ATRX: variants seen among roughly 807,000 people sequenced by gnomAD.
ATRX encodes chromatin remodeler ATRX.
A neutral mutation model predicts 172.6 loss-of-function variants in ATRX; 12 were observed. The observed-to-expected ratio is 0.07, with a 90% CI of 0.04 to 0.11. The LOEUF (loss-of-function observed/expected upper bound fraction) is 0.11. Among genes scored for constraint, ATRX ranks in the 10% least tolerant of loss-of-function variants. The pLI is 1.00. For missense variants in ATRX, 1,368 were observed against 1,767.4 expected, an observed-to-expected ratio of 0.77 and a Z score of 4.05; for synonymous variants, 674 against 594.7, an observed-to-expected ratio of 1.13 and a Z score of -1.94.
At chrX:77,522,658 A>C (rs1175041432) in intron 31 of ATRX, among the ~76,000 whole-genome samples, 1 of 111,542 alleles carries the variant, frequency 9.0e-6, no homozygotes. Flanking sequence ...CATCACACTA[A>C]TGTTAAAGAA....
rs782409175 is a variant in ATRX at position 77,635,972 on chromosome X, G to C, written c.4642C>G (p.Pro1548Ala). 5 of 1,206,113 alleles carry C rather than the reference G, an allele frequency of 4.1e-6. No individual in the cohort carries two copies. Among genetic ancestry groups the C allele is most frequent in the African/African-American group, 3.5e-5 (2 of 57,166 alleles). Reference protein sequence around the residue: ...VLDEDEETKEPLVQVHRNMVI... With the variant: ...VLDEDEETKEALVQVHRNMVI... Reference sequence around the variant, plus strand: ...ATATTTCTATGAACCTGCACTAAAGGTTCTTTGGTTTCTTCATCTTCATCT... The same window carrying C: ...ATATTTCTATGAACCTGCACTAAAGCTTCTTTGGTTTCTTCATCTTCATCT... The change falls in exon 16 of 35, where the codon CCT (proline) becomes GCT (alanine). Residue 1548 changes from proline (P) to alanine (A), a missense_variant. Coordinates refer to ENST00000373344, the MANE Select transcript of ATRX (RefSeq NM_000489.6).
intron 1 of ATRX, among the ~76,000 whole-genome samples, chrX:77,755,010 T>G (rs868908192): frequency 6.3e-4 from 71 of 112,396 alleles, no homozygotes; most frequent in African/African-American, 2.1e-3. Flanking sequence ...AGTCCCATAT[T>G]TTTTCAGAGG....
At position 77,672,642 on chromosome X, in the gene ATRX, A is replaced by G. The variant is rs141199014; in HGVS notation, c.3809+3584T>C. Among the ~76,000 whole-genome samples the G allele has an allele frequency of 2.5e-3, 274 of 111,096 alleles. 1 individual carries two copies. Among genetic ancestry groups the G allele is most frequent in the African/African-American group, 8.5e-3 (261 of 30,699 alleles). ...AGTCCCAATATAATTAAATATAACA[A>G]TGGGACAATTTTTTTTAGCAATCTC... On this transcript the variant is annotated intron_variant, in intron 10 of 34. Transcript: ENST00000373344.
rs1443949270 is a variant in ATRX, at chrX:77,682,720, C to T, written c.2536G>A (p.Asp846Asn). The T allele has an allele frequency of 8.3e-7, 1 of 1,209,546 alleles. No individual in the cohort carries two copies. ...TTKKRIPNTK[D>N]FDSSEDEKHS... is the part of the protein sequence containing the mutation. ...TTCTCATCTTCAGAAGAGTCAAAAT[C>T]TTTTGTATTTGGAATTCTTTTTTTG... The change falls in exon 9 of 35, where the codon GAT becomes AAT. Residue 846 changes from aspartate (D) to asparagine (N), a missense_variant. Physicochemically the swap from Asp to Asn is conservative, Grantham distance 23. This residue lies in a region of ATRX where 843 missense variants were observed against 643.1 expected (regional missense o/e 1.31). Coordinates refer to ENST00000373344, the MANE Select transcript of ATRX (RefSeq NM_000489.6).
Position 77,646,241 on chromosome X carries a change from C to T in ATRX, c.4557+5873G>A, listed in dbSNP as rs782319861. On this transcript the variant is annotated intron_variant, in intron 15 of 34. Coordinates refer to ENST00000373344, the MANE Select transcript of ATRX (RefSeq NM_000489.6). ...AAGGTTCGCTTTAGATCTAAAGACA[C>T]AAATAAACTGAAAGTGAAAGAATAG... Among the ~76,000 whole-genome samples, 16 of 111,252 alleles carry T rather than the reference C, an allele frequency of 1.4e-4. No individual in the cohort carries two copies. The South Asian group carries it at 6.0e-3, about 42-fold the overall frequency.
intron 7 of ATRX, among the ~76,000 whole-genome samples, chrX:77,686,645 G>A (rs1044387631): frequency 1.4e-4 from 16 of 110,976 alleles, no homozygotes; most frequent in African/African-American, 5.3e-4. Context: ...GAACCCTGAG[G>A]CGGAGGTTGC....
intron 27 of ATRX, among the ~76,000 whole-genome samples, chrX:77,582,909 C>CA (rs2065878162): frequency 1.8e-5 from 2 of 111,761 alleles, no homozygotes; most frequent in African/African-American, 3.3e-5. Context: ...TGAATTCTAT[C>CA]AAACATTTAA....
chrX:77,526,089 A>C (rs2063371860), intron 30 of ATRX, among the ~76,000 whole-genome samples: 1 of 111,636 alleles, frequency 9.0e-6, no homozygotes, highest in Non-Finnish European at 1.9e-5. Context: ...CAAAGAGGCA[A>C]AGTAACTTTT....
chrX:77,671,167 A>AAAAATACAT (rs1424480831), intron 10 of ATRX, among the ~76,000 whole-genome samples: 1 of 15,735 alleles, frequency 6.4e-5, no homozygotes, highest in Admixed American at 1.4e-3. Context: ...AAAAAAAAAA[A>AAAAATACAT]ATATATATAT....
Position 77,600,451 on chromosome X carries a change from T to C in ATRX, c.5680A>G (p.Ile1894Val). 8.3e-7 allele frequency: 1 copy of C among 1,210,922 alleles called. No homozygotes were observed. Among genetic ancestry groups the C allele is most frequent in the East Asian group, 3.0e-5 (1 of 33,750 alleles). ...TGACTTACCTTATTTTCTTTGCTAATGTAGTCTAGCTGCAAACACCAAGGA... is the reference window on the plus strand; with the variant it reads ...TGACTTACCTTATTTTCTTTGCTAACGTAGTCTAGCTGCAAACACCAAGGA... Reference protein sequence around the residue: ...THPWCLQLDYISKENKGYFDE... With the variant: ...THPWCLQLDYVSKENKGYFDE... The change falls in exon 23 of 35, where the codon ATT (isoleucine) becomes GTT (valine). Residue 1894 changes from isoleucine (I) to valine (V), a missense_variant. Physicochemically the swap from Ile to Val is conservative, Grantham distance 29. Around this residue, in one of 17 missense-constraint regions of ATRX, gnomAD observed 5 missense variants for 36.2 expected, o/e 0.14. Coordinates refer to ENST00000373344, the MANE Select transcript of ATRX (RefSeq NM_000489.6).
chrX:77,633,471 TA>T (rs2068203797), intron 18 of ATRX, 87 bp from the exon 19 acceptor site: 2 of 1,103,599 alleles, frequency 1.8e-6, no homozygotes, highest in East Asian at 3.0e-5. Flanking sequence ...CATCACTGGT[TA>T]AAAAACATTA....
intron 1 of ATRX, among the ~76,000 whole-genome samples, chrX:77,762,123 A>C (rs781882026): frequency 9.1e-6 from 1 of 109,449 alleles, no homozygotes; most frequent in East Asian, 2.9e-4. Flanking sequence ...TAACATAATG[A>C]AACCCCATCT....
intron 9 of ATRX, among the ~76,000 whole-genome samples, chrX:77,680,096 G>C (rs1211888288): frequency 1.8e-5 from 2 of 112,146 alleles, no homozygotes; most frequent in African/African-American, 6.5e-5. Flanking sequence ...ATGTTTTGCT[G>C]CAGAAATACT....
At chrX:77,624,148 G>A (rs781821699) in intron 19 of ATRX, among the ~76,000 whole-genome samples, 1 of 111,367 alleles carries the variant, frequency 9.0e-6, no homozygotes, top group Admixed American at 9.5e-5. Flanking sequence ...GGCAGATCAC[G>A]AGGTCAGGAG....
chrX:77,613,955 T>C (rs533919062), intron 22 of ATRX, among the ~76,000 whole-genome samples: 6 of 111,932 alleles, frequency 5.4e-5, no homozygotes, highest in South Asian at 7.3e-4. Context: ...AGGCAAACCA[T>C]AGAATTACAC....
chrX:77,714,841 G>A (rs2073294529), intron 2 of ATRX, among the ~76,000 whole-genome samples: 2 of 111,766 alleles, frequency 1.8e-5, no homozygotes, highest in African/African-American at 6.5e-5. Flanking sequence ...TGAATTTAAG[G>A]GGGAAAAACT....
rs543544690 is a variant in ATRX, at chrX:77,718,368, C to CT, written c.21-1126dup. 6.4e-3 allele frequency among the ~76,000 whole-genome samples: 573 copies of CT among 89,360 alleles called. 7 individuals carry two copies. The highest frequency in any genetic ancestry group is 0.03 in the East Asian group (87 of 2,861). The allele number at this position is 89,360 out of a possible 115,157, so 77.6% of individuals were successfully genotyped here. A position where few individuals can be genotyped will look rare whatever the true frequency, so the allele number is the denominator to read the frequency against. On this transcript the variant is annotated intron_variant, in intron 1 of 34. Transcript: ENST00000373344. ...TTAACTAAGTTTTATAGCATCAACT[C>CT]TTTTTTTTTTTTTTTTTTTTTAAAA...
At chrX:77,671,267 T>A in intron 10 of ATRX, among the ~76,000 whole-genome samples, 1 of 94,076 alleles carries the variant, frequency 1.1e-5, no homozygotes, top group African/African-American at 3.9e-5. Flanking sequence ...CACCAAATAA[T>A]CAAAAAGCTA....
intron 1 of ATRX, among the ~76,000 whole-genome samples, chrX:77,746,298 A>T (rs1209411009): frequency 9.0e-6 from 1 of 111,530 alleles, no homozygotes; most frequent in Non-Finnish European, 1.9e-5. Context: ...GTAAATTTAT[A>T]TAAATAAAAA....
Sources: gnomAD v4.1 joint callset for allele counts (sites outside exome capture counted in the v4.1 genomes callset) on GRCh38, gnomAD v4.1.1 for gene constraint, gnomAD v4.1.1 regional missense constraint, MANE v1.5 for transcripts, NCBI Gene and HGNC (gene_info 2026-07-23, HGNC 2026-07-21) for gene names.